Variants in GDA observed in about 807,000 individuals in gnomAD.
The protein encoded by GDA is cytoplasmic PSD-95 interactor.
In GDA, 18 loss-of-function variants were observed where a neutral mutation model predicts 59.6. The ratio of observed to expected loss-of-function variants is 0.30; its 90% CI spans 0.21 to 0.45. The LOEUF (loss-of-function observed/expected upper bound fraction) is 0.45. Ranked by LOEUF, GDA falls within the 20% of genes least tolerant of loss-of-function variation. The pLI is 1.00. For synonymous variants in GDA, 201 were observed against 201.1 expected, an observed-to-expected ratio of 1.00 and a Z score of 0.00; for missense variants, 427 against 552.3, an observed-to-expected ratio of 0.77 and a Z score of 2.27.
intron 3 of GDA, among the ~76,000 whole-genome samples, chr9:72,203,285 A>G (rs1266785063): frequency 2.6e-5 from 4 of 152,222 alleles, no homozygotes; most frequent in Non-Finnish European, 5.9e-5. Flanking sequence ...TTTAAAATTA[A>G]ATATTTAAAT....
intron 8 of GDA, among the ~76,000 whole-genome samples, chr9:72,227,035 G>A (rs759125888): frequency 3.2e-4 from 49 of 152,200 alleles, no homozygotes; most frequent in Middle Eastern, 6.8e-3. Context: ...GGAGAATGGC[G>A]TGAACCCAGG....
At chr9:72,120,603 A>G (rs908620482) in intron 1 of GDA, among the ~76,000 whole-genome samples, 1 of 152,226 alleles carries the variant, frequency 6.6e-6, no homozygotes, top group Non-Finnish European at 1.5e-5. Context: ...GTCAATCCAT[A>G]TCACTGCAGG....
At chr9:72,243,915 C>T (rs1839880120) in intron 11 of GDA, among the ~76,000 whole-genome samples, 1 of 152,166 alleles carries the variant, frequency 6.6e-6, no homozygotes, top group African/African-American at 2.4e-5. Flanking sequence ...GTGGCTCACG[C>T]CTGTAATCCC....
intron 1 of GDA, among the ~76,000 whole-genome samples, chr9:72,193,103 C>T (rs1832750880): frequency 6.6e-6 from 1 of 152,032 alleles, no homozygotes; most frequent in Non-Finnish European, 1.5e-5. Flanking sequence ...GATTACATAT[C>T]TTTCTCTCTC....
chr9:72,227,909 C>G (rs200060290), intron 8 of GDA, 34 bp from the exon 9 acceptor site: 1 of 1,113,014 alleles, frequency 9.0e-7, no homozygotes, highest in Non-Finnish European at 1.4e-6. Context: ...CATTTGTGAG[C>G]GGTAAACTCC....
rs1831628427 is a variant in GDA, at chr9:72,184,494, A to G, written c.124-11006A>G. Among the ~76,000 whole-genome samples, 3 of 152,200 alleles carry G rather than the reference A, an allele frequency of 2.0e-5. No homozygotes were observed. The South Asian group carries it at 6.2e-4, about 31-fold the overall frequency. ...AGATTTGTGTCTTTCACTTAGTAAT[A>G]TGCATGTAAGATTCTCTATGTATTT... is the stretch of plus-strand genomic sequence containing the variant. On this transcript the variant is annotated intron_variant, in intron 1 of 13. Transcript: ENST00000358399.
intron 9 of GDA, among the ~76,000 whole-genome samples, chr9:72,229,633 C>G (rs893136708): frequency 3.0e-4 from 45 of 152,226 alleles, no homozygotes; most frequent in African/African-American, 1.1e-3. Flanking sequence ...GTATTAATTC[C>G]CTGGAACTTC....
chr9:72,216,811 G>C (rs564102134), intron 5 of GDA, among the ~76,000 whole-genome samples: 1 of 151,924 alleles, frequency 6.6e-6, no homozygotes, highest in African/African-American at 2.4e-5. Context: ...AAGTAGCTGC[G>C]ACTACAGGCG....
At position 72,223,149 on chromosome 9, in the gene GDA, A is replaced by G; in HGVS notation, c.636A>G (p.Pro212=). 2 of 1,609,746 alleles carry G rather than the reference A, an allele frequency of 1.2e-6. No individual in the cohort carries two copies. Among genetic ancestry groups the G allele is most frequent in the Non-Finnish European group, 1.7e-6 (2 of 1,176,078 alleles). ...CTAGAGTGAAGCCCATAGTGACACCACGTTTTTCCCTCTCCTGCTCTGAGA... is the reference window on the plus strand; with the variant it reads ...CTAGAGTGAAGCCCATAGTGACACCGCGTTTTTCCCTCTCCTGCTCTGAGA... ...NYSRVKPIVT[P]RFSLSCSETL... is the part of the protein sequence containing the mutation. Residue 212 remains proline (P), a synonymous_variant, in exon 7 of 14, where the codon CCA becomes CCG. Transcript: ENST00000358399.
At chr9:72,181,314 T>A (rs1488952514) in intron 1 of GDA, among the ~76,000 whole-genome samples, 2 of 152,106 alleles carry the variant, frequency 1.3e-5, no homozygotes, top group Admixed American at 6.6e-5. Context: ...GCTTATCATG[T>A]CCTTACTTTT....
At chr9:72,168,862 T>C (rs1829638832) in intron 1 of GDA, among the ~76,000 whole-genome samples, 1 of 152,230 alleles carries the variant, frequency 6.6e-6, no homozygotes, top group Admixed American at 6.5e-5. Flanking sequence ...CATAGCTGGT[T>C]ACTGGTAGAG....
intron 10 of GDA, among the ~76,000 whole-genome samples, chr9:72,233,135 T>G (rs752242087): frequency 6.6e-6 from 1 of 152,176 alleles, no homozygotes; most frequent in South Asian, 2.1e-4. Flanking sequence ...ACCCTTCAAT[T>G]TGTAAACTTT....
chr9:72,205,582 G>C (rs1834594164), intron 3 of GDA, among the ~76,000 whole-genome samples: 1 of 152,198 alleles, frequency 6.6e-6, no homozygotes, highest in African/African-American at 2.4e-5. Flanking sequence ...AAATGGAAGT[G>C]AGGTATAGCA....
In GDA at chr9:72,149,465, C is replaced by A; in HGVS notation, c.-95C>A. On this transcript the variant is annotated 5_prime_UTR_variant, in exon 1 of 14. Coordinates refer to ENST00000358399, the MANE Select transcript of GDA (RefSeq NM_004293.5). ...AGGACAAGGCCGGAGCCTGTGTCCGCCCGGCAGCCGCCCGCAGCTGCAGAG... is the reference window on the plus strand; with the variant it reads ...AGGACAAGGCCGGAGCCTGTGTCCGACCGGCAGCCGCCCGCAGCTGCAGAG... The A allele has an allele frequency of 6.8e-7, 1 of 1,466,220 alleles. No individual in the cohort carries two copies. The allele number at this position is 1,466,220 out of a possible 1,614,324, so 90.8% of individuals were successfully genotyped here.
intron 1 of GDA, among the ~76,000 whole-genome samples, chr9:72,142,466 G>A (rs544678673): frequency 5.9e-5 from 9 of 151,808 alleles, no homozygotes; most frequent in South Asian, 2.1e-4. Context: ...CCAGCTACTC[G>A]GGAGGCTGAG....
intron 1 of GDA, among the ~76,000 whole-genome samples, chr9:72,140,373 G>A (rs1013094386): frequency 1.3e-5 from 2 of 152,176 alleles, no homozygotes; most frequent in Non-Finnish European, 2.9e-5. Flanking sequence ...AGAAGGAGAA[G>A]GGAAGAGCGG....
At chr9:72,160,333 T>C (rs1828455112) in intron 1 of GDA, among the ~76,000 whole-genome samples, 1 of 151,872 alleles carries the variant, frequency 6.6e-6, no homozygotes. Context: ...AAAACAAATA[T>C]ATATATATAT....
chr9:72,164,106 A>C (rs1828996012), intron 1 of GDA, among the ~76,000 whole-genome samples: 1 of 152,174 alleles, frequency 6.6e-6, no homozygotes, highest in African/African-American at 2.4e-5. Context: ...ATCTACATGG[A>C]GATTTGAAGC....
intron 1 of GDA, among the ~76,000 whole-genome samples, chr9:72,134,981 G>A (rs913383297): frequency 7.2e-5 from 11 of 152,266 alleles, no homozygotes; most frequent in Middle Eastern, 6.8e-3. Context: ...TAACTCTTCA[G>A]TTTCTTCTTG....
Sources: gnomAD v4.1 joint callset for allele counts (sites outside exome capture counted in the v4.1 genomes callset) on GRCh38, gnomAD v4.1.1 for gene constraint, MANE v1.5 for transcripts, NCBI Gene and HGNC (gene_info 2026-07-23, HGNC 2026-07-21) for gene names.